The following GRIK5 variants were observed in gnomAD, a reference collection of about 807,000 sequenced individuals.
GRIK5 encodes the protein glutamate ionotropic receptor kainate type subunit 5, also known as glutamate receptor ionotropic, kainate 5.
GRIK5 carries 43 observed loss-of-function variants against 97.4 expected under a neutral mutation model. The observed-to-expected ratio is 0.44, with a 90% CI of 0.35 to 0.57. GRIK5 has a LOEUF of 0.57. GRIK5 is among the 20% of genes least tolerant of loss of function. GRIK5 has a pLI of 0.01. For missense variants in GRIK5, 1,015 were observed against 1,382.0 expected, an observed-to-expected ratio of 0.73 and a Z score of 4.21; for synonymous variants, 580 against 583.5, an observed-to-expected ratio of 0.99 and a Z score of 0.09.
At chr19:42,011,838 G>T (rs2075566381) in intron 15 of GRIK5, among the ~76,000 whole-genome samples, 1 of 152,120 alleles carries the variant, frequency 6.6e-6, no homozygotes, top group African/African-American at 2.4e-5. Flanking sequence ...GCTGGGCATG[G>T]TAGAGCGCAC....
chr19:42,023,635 T>C (rs2075730868), intron 12 of GRIK5, among the ~76,000 whole-genome samples: 1 of 152,144 alleles, frequency 6.6e-6, no homozygotes, highest in African/African-American at 2.4e-5. Context: ...GTTCCCACAC[T>C]GGCCTTCTCC....
chr19:42,000,523 T>C (rs1555870701), intron 19 of GRIK5, among the ~76,000 whole-genome samples: 1 of 152,204 alleles, frequency 6.6e-6, no homozygotes, highest in African/African-American at 2.4e-5. Context: ...AGAAGCCCAA[T>C]GTTGGACACA....
Position 42,022,432 on chromosome 19 carries a change from G to T in GRIK5, c.1474-78C>A. On this transcript the variant is annotated intron_variant, in intron 12 of 19. Coordinates refer to ENST00000593562, the MANE Select transcript of GRIK5 (RefSeq NM_002088.5). The surrounding 1 kb of genome is among the most constrained non-coding windows in gnomAD (Gnocchi z 4.2). ...AGTGGACAGTTAGAGAGAAATGCAC[G>T]GAGAGTGAGCAACTGAGGGAGGCGA... 6.6e-7 allele frequency: 1 copy of T among 1,509,354 alleles called. No individual in the cohort carries two copies. Among genetic ancestry groups the T allele is most frequent in the Non-Finnish European group, 9.0e-7 (1 of 1,111,574 alleles). The allele number at this position is 1,509,354 out of a possible 1,614,324, so 93.5% of individuals were successfully genotyped here.
At chr19:42,018,531 C>T (rs1184774226) in intron 15 of GRIK5, among the ~76,000 whole-genome samples, 6 of 150,988 alleles carry the variant, frequency 4.0e-5, no homozygotes, top group African/African-American at 9.8e-5. Flanking sequence ...AGGTGGTGCA[C>T]GCCTGTAATC....
intron 15 of GRIK5, among the ~76,000 whole-genome samples, chr19:42,014,383 C>A (rs2075601333): frequency 6.6e-6 from 1 of 151,134 alleles, no homozygotes; most frequent in Non-Finnish European, 1.5e-5. Flanking sequence ...GCCTAGGCAA[C>A]AGGTCAAAAC....
rs2075694821 is a variant in GRIK5, at chr19:42,021,381, C to G, written c.1791G>C (p.Trp597Cys). 6.2e-7 allele frequency: 1 copy of G among 1,613,590 alleles called. No individual in the cohort carries two copies. ...GCTGCATGAAGCCCCCCACGGGAAA[C>G]CACAGGCTGTTGCCCAGCGTGTACT... The part of the protein sequence containing the change: ...ENQYTLGNSL[W>C]FPVGGFMQQG... Residue 597 changes from tryptophan (W) to cysteine (C), a missense_variant, in exon 15 of 20, where the codon TGG (tryptophan) becomes TGC (cysteine). Around this residue, in one of 5 missense-constraint regions of GRIK5, gnomAD observed 477 missense variants for 701.1 expected, o/e 0.68. Transcript: ENST00000593562. The surrounding 1 kb of genome is among the most constrained non-coding windows in gnomAD (Gnocchi z 4.2).
At chr19:42,010,986 T>C (rs1220635802) in intron 15 of GRIK5, among the ~76,000 whole-genome samples, 2 of 151,962 alleles carry the variant, frequency 1.3e-5, no homozygotes, top group Non-Finnish European at 2.9e-5. Flanking sequence ...TTCTTAGTTT[T>C]TGTAGAGATG....
chr19:42,014,999 A>T (rs1363130484), intron 15 of GRIK5, among the ~76,000 whole-genome samples: 2 of 152,272 alleles, frequency 1.3e-5, no homozygotes, highest in African/African-American at 4.8e-5. Context: ...TCAGAAAGCC[A>T]GAGTGCCTAT....
At chr19:42,063,968 C>T (rs185327039) in intron 3 of GRIK5, among the ~76,000 whole-genome samples, 1 of 152,218 alleles carries the variant, frequency 6.6e-6, no homozygotes, top group Non-Finnish European at 1.5e-5. Flanking sequence ...ACCTTCCACA[C>T]TGGTAAGGGC....
intron 15 of GRIK5, among the ~76,000 whole-genome samples, chr19:42,020,739 A>G (rs2075686103): frequency 6.6e-6 from 1 of 152,156 alleles, no homozygotes; most frequent in Non-Finnish European, 1.5e-5. Context: ...TACAAATGCC[A>G]TGGCAACGTC....
At chr19:42,068,382 C>T (rs367864067) in intron 1 of GRIK5, 34 of 197,896 alleles carry the variant, frequency 1.7e-4, no homozygotes, top group Admixed American at 5.4e-4. Flanking sequence ...AGAAAGGCCA[C>T]GCGAGGTAAC....
Position 42,003,718 on chromosome 19 carries a change from G to A in GRIK5, c.2264-35C>T, listed in dbSNP as rs879999860. On this transcript the variant is annotated intron_variant, in intron 17 of 19. Coordinates refer to ENST00000593562, the MANE Select transcript of GRIK5 (RefSeq NM_002088.5). This position sits in a 1 kb window ranked among gnomAD's most constrained non-coding sequence, Gnocchi z 4.2. ...CACACGAGGGGCTGGACCAGCCATC[G>A]GGCCCTGCAGCCCTGACCGCCCCAA... The A allele has an allele frequency of 8.9e-6, 14 of 1,575,862 alleles. No homozygotes were observed. The highest frequency in any genetic ancestry group is 2.2e-5 in the East Asian group (1 of 44,546).
intron 11 of GRIK5, among the ~76,000 whole-genome samples, chr19:42,049,714 A>G (rs1195857162): frequency 6.6e-6 from 1 of 152,180 alleles, no homozygotes; most frequent in Non-Finnish European, 1.5e-5. Flanking sequence ...GTGAGAAGTA[A>G]CACGATTTGT....
intron 15 of GRIK5, among the ~76,000 whole-genome samples, chr19:42,016,606 GT>G (rs1204080290): frequency 6.6e-6 from 1 of 152,224 alleles, no homozygotes; most frequent in Non-Finnish European, 1.5e-5. Flanking sequence ...CATGAGCTCT[GT>G]TTTGCACAAG....
chr19:42,028,245 TG>T (rs1183877053), intron 12 of GRIK5, among the ~76,000 whole-genome samples: 1 of 147,904 alleles, frequency 6.8e-6, no homozygotes, highest in Admixed American at 6.8e-5. Context: ...AGGAAGAATT[TG>T]AATGACAAGT....
chr19:42,068,978 G>C (rs1355945994), intron 1 of GRIK5: 1 of 574,780 alleles, frequency 1.7e-6, no homozygotes, highest in African/African-American at 1.9e-5. Context: ...GAGAGCCCAA[G>C]TAAGAGCAAT....
At chr19:42,045,701 G>A (rs764166656) in intron 11 of GRIK5, among the ~76,000 whole-genome samples, 25 of 152,168 alleles carry the variant, frequency 1.6e-4, no homozygotes, top group Admixed American at 3.9e-4. Flanking sequence ...ATTGTGGAAC[G>A]GGGAACAAGA....
chr19:42,013,408 CTTTTTT>C (rs961451223), intron 15 of GRIK5, among the ~76,000 whole-genome samples: 1 of 123,242 alleles, frequency 8.1e-6, no homozygotes. Flanking sequence ...TTTTTCTTTT[CTTTTTT>C]TTTTTTTTTT....
At chr19:42,055,909 C>G (rs1282613889) in intron 8 of GRIK5, among the ~76,000 whole-genome samples, 1 of 152,138 alleles carries the variant, frequency 6.6e-6, no homozygotes, top group Non-Finnish European at 1.5e-5. Context: ...TCTCGAACTC[C>G]TGGACTAAAG....
Sources: gnomAD v4.1 joint callset for allele counts (sites outside exome capture counted in the v4.1 genomes callset) on GRCh38, gnomAD v4.1.1 for gene constraint, gnomAD v4.1.1 regional missense constraint, Gnocchi (gnomAD v3.1) non-coding constraint, MANE v1.5 for transcripts, NCBI Gene and HGNC (gene_info 2026-07-23, HGNC 2026-07-21) for gene names.